The following MACF1 variants were observed in gnomAD, a reference collection of about 807,000 sequenced individuals.
The protein encoded by MACF1 is microtubule-actin cross-linking factor 1.
MACF1 carries 193 observed loss-of-function variants against 854.8 expected under a neutral mutation model. The ratio of observed to expected loss-of-function variants is 0.23; its 90% CI spans 0.20 to 0.25. The LOEUF is 0.25. MACF1 is among the 10% of genes least tolerant of loss of function. The pLI, the probability that MACF1 is intolerant of heterozygous loss-of-function variation, is 1.00. For missense variants in MACF1, 7,722 were observed against 8,929.1 expected, an observed-to-expected ratio of 0.86 and a Z score of 5.45; for synonymous variants, 3,185 against 3,226.7, an observed-to-expected ratio of 0.99 and a Z score of 0.44.
chr1:39,241,700 C>G (rs996267809), intron 2 of MACF1, among the ~76,000 whole-genome samples: 54 of 147,580 alleles, frequency 3.7e-4, no homozygotes, highest in African/African-American at 1.1e-3. Flanking sequence ...ACGTGACAAT[C>G]CTTGCTCTTT....
intron 57 of MACF1, 131 bp from the exon 58 acceptor site, chr1:39,387,056 A>T: frequency 1.1e-6 from 1 of 899,438 alleles, no homozygotes. Context: ...GCCTAATTAT[A>T]TGCCTCTTTT....
chr1:39,330,461 G>A (rs529486241), intron 36 of MACF1, among the ~76,000 whole-genome samples: 2 of 152,266 alleles, frequency 1.3e-5, no homozygotes, highest in South Asian at 4.1e-4. Flanking sequence ...AGTCTTCTGT[G>A]TGGTTTGCAA....
In MACF1 at chr1:39,336,003, A is replaced by G. The variant is rs777127646; in HGVS notation, c.9415A>G (p.Thr3139Ala). The stretch of plus-strand genomic sequence containing the variant: ...CAAAACAGACAAGTCTTTCCAAGGA[A>G]CCACCAGACAGGAGACCAACTATCA... ...ISKTDKSFQG[T>A]TRQETNYQDS... The change falls in exon 37 of 101, where the codon ACC becomes GCC. Residue 3139 changes from threonine to alanine, a missense_variant. This residue lies in a region of MACF1 where 854 missense variants were observed against 852.6 expected (regional missense o/e 1.00). Transcript: ENST00000564288. The G allele has an allele frequency of 1.9e-6, 3 of 1,614,180 alleles. No homozygotes were observed. The highest frequency in any genetic ancestry group is 2.5e-6 in the Non-Finnish European group (3 of 1,180,024).
chr1:39,163,355 A>G (rs924960996), intron 2 of MACF1, among the ~76,000 whole-genome samples: 29 of 150,716 alleles, frequency 1.9e-4, no homozygotes, highest in Non-Finnish European at 4.1e-4. Flanking sequence ...AAAAAAAAAA[A>G]AAAAAGAAAA....
At chr1:39,355,905 G>T (rs1183771020) in intron 44 of MACF1, among the ~76,000 whole-genome samples, 1 of 151,984 alleles carries the variant, frequency 6.6e-6, no homozygotes, top group East Asian at 1.9e-4. Flanking sequence ...CTATGTTGTT[G>T]CTCAGGCTGG....
intron 38 of MACF1, among the ~76,000 whole-genome samples, chr1:39,339,907 G>A (rs1377366684): frequency 6.6e-6 from 1 of 152,062 alleles, no homozygotes; most frequent in Non-Finnish European, 1.5e-5. Flanking sequence ...TGGGTAGGGT[G>A]GCTGAACCGG....
chr1:39,477,118 G>GTATA (rs1170894300), intron 97 of MACF1, among the ~76,000 whole-genome samples: 51 of 24,536 alleles, frequency 2.1e-3, no homozygotes, highest in African/African-American at 2.8e-3. Flanking sequence ...TACACTTAGT[G>GTATA]TATATATATA....
At chr1:39,152,853 A>C (rs1223719587) in intron 2 of MACF1, among the ~76,000 whole-genome samples, 1 of 94,588 alleles carries the variant, frequency 1.1e-5, no homozygotes, top group Non-Finnish European at 2.7e-5. Flanking sequence ...TGACTTAAAC[A>C]AATTAAAAAA....
chr1:39,373,852 C>CA lies in MACF1; in HGVS notation c.13213+1271dup, dbSNP rs201909041. ...TGGGCGACGGACGGAGACCCCATCTCAAAAAAAAAAAAAAATCAGTACTTC... is the reference window on the plus strand; with the variant it reads ...TGGGCGACGGACGGAGACCCCATCTCAAAAAAAAAAAAAAAATCAGTACTTC... On this transcript the variant is annotated intron_variant, in intron 52 of 100. Transcript: ENST00000564288. Among the ~76,000 whole-genome samples the CA allele has an allele frequency of 3.3e-3, 352 of 105,942 alleles. 1 individual carries two copies. The highest frequency in any genetic ancestry group is 5.9e-3 in the African/African-American group (166 of 28,346). The allele number at this position is 105,942 out of a possible 152,430, so 69.5% of individuals were successfully genotyped here.
intron 2 of MACF1, among the ~76,000 whole-genome samples, chr1:39,087,911 T>A (rs1477487628): frequency 6.6e-6 from 1 of 152,020 alleles, no homozygotes; most frequent in Non-Finnish European, 1.5e-5. Context: ...TAGCAGGGAT[T>A]ACAGGCGTGT....
intron 42 of MACF1, 94 bp from the exon 43 acceptor site, chr1:39,350,691 T>C: frequency 1.2e-6 from 1 of 844,702 alleles, no homozygotes; most frequent in Non-Finnish European, 1.9e-6. Context: ...TATACAGGAC[T>C]ATATGTCATC....
chr1:39,416,123 A>T (rs1025242353), intron 58 of MACF1, among the ~76,000 whole-genome samples: 2 of 152,292 alleles, frequency 1.3e-5, no homozygotes, highest in South Asian at 2.1e-4. Context: ...TTTGATTAAG[A>T]GGATTGATTA....
chr1:39,411,648 A>G, intron 58 of MACF1: 1 of 1,614,014 alleles, frequency 6.2e-7, no homozygotes, highest in African/African-American at 1.3e-5. Context: ...TCTCTGACAC[A>G]GACTCAGTGC....
chr1:39,320,939 A>G (rs1646503213), intron 31 of MACF1, among the ~76,000 whole-genome samples: 2 of 152,198 alleles, frequency 1.3e-5, no homozygotes, highest in Non-Finnish European at 2.9e-5. Context: ...CTGCACTTCA[A>G]CCTGGGCAAC....
At chr1:39,390,581 A>C (rs1036458436) in intron 58 of MACF1, among the ~76,000 whole-genome samples, 2 of 152,240 alleles carry the variant, frequency 1.3e-5, no homozygotes, top group African/African-American at 4.8e-5. Context: ...CCCGTGAAGC[A>C]GTGCATTCCT....
intron 6 of MACF1, among the ~76,000 whole-genome samples, chr1:39,278,560 A>G (rs918928358): frequency 1.3e-5 from 2 of 152,160 alleles, no homozygotes; most frequent in Non-Finnish European, 2.9e-5. Flanking sequence ...TGGGTGAAGA[A>G]CCCAAATACT....
chr1:39,471,518 T>C (rs1002805869), intron 97 of MACF1, among the ~76,000 whole-genome samples: 28 of 152,228 alleles, frequency 1.8e-4, no homozygotes, highest in African/African-American at 6.5e-4. Flanking sequence ...GTAGAAGATA[T>C]CTCAAACTGC....
chr1:39,268,895 G>C lies in MACF1; in HGVS notation c.528+10867G>C, dbSNP rs1451234114. ...TTGAAGAGACTGAAACCCTAACGAAGTTAACAGAGAGTCTCCAAAAGGAAG... is the reference window on the plus strand; with the variant it reads ...TTGAAGAGACTGAAACCCTAACGAACTTAACAGAGAGTCTCCAAAAGGAAG... On this transcript the variant is annotated intron_variant, in intron 6 of 100. Transcript: ENST00000564288. 7 of 1,288,804 alleles carry C rather than the reference G, an allele frequency of 5.4e-6. No individual in the cohort carries two copies. The African/African-American group carries it at 7.6e-5, about 14-fold the overall frequency. The allele number at this position is 1,288,804 out of a possible 1,614,324, so 79.8% of individuals were successfully genotyped here.
At chr1:39,284,703 G>A (rs1645611016) in intron 11 of MACF1, among the ~76,000 whole-genome samples, 1 of 152,078 alleles carries the variant, frequency 6.6e-6, no homozygotes, top group Admixed American at 6.6e-5. Context: ...CTTCTCAGAG[G>A]GAAGCTAAAT....
Sources: allele counts gnomAD v4.1 joint callset (sites outside exome capture counted in the v4.1 genomes callset), GRCh38; gene constraint gnomAD v4.1.1; regional missense constraint gnomAD v4.1.1; transcripts MANE v1.5; gene names NCBI Gene and HGNC (gene_info 2026-07-23, HGNC 2026-07-21).